Variants in LYN observed in about 807,000 individuals in gnomAD.
LYN encodes the protein tyrosine-protein kinase Lyn.
A neutral mutation model predicts 65.0 loss-of-function variants in LYN; 12 were observed. The observed-to-expected ratio is 0.18, with a 90% CI of 0.12 to 0.30. LYN has a LOEUF of 0.30. LYN is among the 10% of genes least tolerant of loss of function. LYN has a pLI of 1.00. For missense variants in LYN, 380 were observed against 623.2 expected (o/e 0.61, Z 4.16); for synonymous variants, 222 against 221.2 (o/e 1.00, Z -0.03).
intron 10 of LYN, among the ~76,000 whole-genome samples, chr8:55,982,012 G>A (rs1464694386): frequency 6.6e-6 from 1 of 151,952 alleles, no homozygotes; most frequent in African/African-American, 2.4e-5. Context: ...TGTCATGCAG[G>A]GCCTCTCGTG....
chr8:55,981,751 A>G (rs895192174), intron 10 of LYN, among the ~76,000 whole-genome samples: 1 of 152,206 alleles, frequency 6.6e-6, no homozygotes, highest in Non-Finnish European at 1.5e-5. Context: ...CTATAGGTTT[A>G]CTTTCCTGTA....
intron 10 of LYN, among the ~76,000 whole-genome samples, chr8:55,986,576 G>T (rs1309119315): frequency 6.6e-6 from 1 of 152,150 alleles, no homozygotes; most frequent in Non-Finnish European, 1.5e-5. Context: ...CTAAGGCATT[G>T]TGGGTCCTTG....
intron 12 of LYN, among the ~76,000 whole-genome samples, chr8:56,009,113 C>T (rs7824121): frequency 0.9 from 136,582 of 152,282 alleles, 61,587 homozygotes; most frequent in African/African-American, 0.98. Context: ...GAAAAATGTC[C>T]GTATAAGATA....
chr8:55,933,798 C>T (rs1344334225), intron 1 of LYN, among the ~76,000 whole-genome samples: 1 of 152,184 alleles, frequency 6.6e-6, no homozygotes, highest in Admixed American at 6.5e-5. Flanking sequence ...AATTGTCTTG[C>T]AATTCTTTTC....
intron 1 of LYN, among the ~76,000 whole-genome samples, chr8:55,912,017 C>T (rs924123290): frequency 3.3e-5 from 5 of 152,060 alleles, no homozygotes; most frequent in African/African-American, 4.8e-5. Context: ...TAGCCCTTTC[C>T]GCGCTTTCTC....
intron 10 of LYN, among the ~76,000 whole-genome samples, chr8:55,973,060 C>G (rs1405058386): frequency 1.3e-5 from 2 of 152,108 alleles, no homozygotes; most frequent in Non-Finnish European, 2.9e-5. Flanking sequence ...TAATCCTAGC[C>G]CTAGAAGAAT....
chr8:55,953,749 C>CTCT, intron 7 of LYN, 83 bp from the exon 8 acceptor site: 1 of 1,293,632 alleles, frequency 7.7e-7, no homozygotes, highest in African/African-American at 1.6e-5. Context: ...CACTATAAGG[C>CTCT]TAGTGTTCAA....
intron 1 of LYN, among the ~76,000 whole-genome samples, chr8:55,896,808 G>T (rs144991165): frequency 1.3e-5 from 2 of 152,012 alleles, no homozygotes; most frequent in Admixed American, 1.3e-4. Flanking sequence ...GCGTGATCTC[G>T]GCTCCCCGCA....
At chr8:55,965,836 A>G (rs1807439952) in intron 8 of LYN, among the ~76,000 whole-genome samples, 1 of 152,138 alleles carries the variant, frequency 6.6e-6, no homozygotes, top group Admixed American at 6.5e-5. Flanking sequence ...GAAAAATATT[A>G]GTCCTCGGCT....
At chr8:55,916,995 G>A (rs1050187004) in intron 1 of LYN, among the ~76,000 whole-genome samples, 2 of 151,864 alleles carry the variant, frequency 1.3e-5, no homozygotes, top group South Asian at 2.1e-4. Flanking sequence ...TGGCCAACAC[G>A]GTGAAACCCC....
chr8:55,962,465 C>T (rs570480361), intron 8 of LYN, among the ~76,000 whole-genome samples: 1 of 151,564 alleles, frequency 6.6e-6, no homozygotes, highest in African/African-American at 2.4e-5. Context: ...CATCTCATGT[C>T]GTGTTTGTGA....
chr8:56,009,810 C>CA (rs1007368554), intron 12 of LYN, 98 bp from the exon 13 acceptor site: 1 of 914,510 alleles, frequency 1.1e-6, no homozygotes. Context: ...ATCATGGTTA[C>CA]AGGATGTGAG....
At chr8:55,935,108 G>A (rs150463456) in intron 1 of LYN, among the ~76,000 whole-genome samples, 10 of 152,236 alleles carry the variant, frequency 6.6e-5, no homozygotes, top group African/African-American at 1.2e-4. Context: ...AGGGATTCCC[G>A]GCACCGAAAC....
rs532892394 is a variant in LYN, at chr8:56,010,218, T to C, written c.*108T>C. On this transcript the variant is annotated 3_prime_UTR_variant, in exon 13 of 13. Transcript: ENST00000519728. ...TTTCATGTGCGGGGATCATCTGCCG[T>C]GCCTGGATCCTGAAATAGAGGCTAA... 1 of 1,132,418 alleles carries C rather than the reference T, an allele frequency of 8.8e-7. No individual in the cohort carries two copies. The highest frequency in any genetic ancestry group is 1.4e-5 in the South Asian group (1 of 70,466). The allele number at this position is 1,132,418 out of a possible 1,614,324, so 70.1% of individuals were successfully genotyped here. A position where few individuals can be genotyped will look rare whatever the true frequency, so the allele number is the denominator to read the frequency against.
At chr8:55,890,432 A>G (rs757081061) in intron 1 of LYN, among the ~76,000 whole-genome samples, 1 of 152,202 alleles carries the variant, frequency 6.6e-6, no homozygotes, top group Admixed American at 6.5e-5. Context: ...TCAGAAAATA[A>G]TAAGTGGTGC....
intron 12 of LYN, among the ~76,000 whole-genome samples, chr8:56,000,438 A>G (rs1176284247): frequency 6.6e-6 from 1 of 152,020 alleles, no homozygotes; most frequent in African/African-American, 2.4e-5. Context: ...GGTTAAGAAG[A>G]GGGATTTCGG....
intron 10 of LYN, 109 bp downstream of exon 10, chr8:55,969,902 T>A: frequency 1.0e-6 from 1 of 961,180 alleles, no homozygotes; most frequent in East Asian, 2.4e-5. Flanking sequence ...GTTGAATGTT[T>A]CCCAGCAGCA....
At chr8:55,977,039 G>T (rs1807774719) in intron 10 of LYN, among the ~76,000 whole-genome samples, 1 of 152,048 alleles carries the variant, frequency 6.6e-6, no homozygotes, top group Admixed American at 6.5e-5. Context: ...ACAAAAGTTA[G>T]CCGGGCATGG....
chr8:55,896,507 G>A (rs1009540151), intron 1 of LYN, among the ~76,000 whole-genome samples: 2 of 152,070 alleles, frequency 1.3e-5, no homozygotes, highest in Admixed American at 6.5e-5. Flanking sequence ...CCTGTCGGGG[G>A]GTGGGGGGCC....
Sources: allele counts gnomAD v4.1 joint callset (sites outside exome capture counted in the v4.1 genomes callset), GRCh38; gene constraint gnomAD v4.1.1; transcripts MANE v1.5; gene names NCBI Gene and HGNC (gene_info 2026-07-23, HGNC 2026-07-21).